Variants in NRG3 observed in about 807,000 individuals in gnomAD.
The protein encoded by NRG3 is pro-neuregulin-3, membrane-bound isoform.
A neutral mutation model predicts 66.9 loss-of-function variants in NRG3; 31 were observed. The observed-to-expected ratio is 0.46, with a 90% CI of 0.35 to 0.63. The LOEUF (loss-of-function observed/expected upper bound fraction) is 0.63, where lower values mean the gene tolerates loss of function less well. NRG3 is among the 20% of genes least tolerant of loss of function. The probability of loss-of-function intolerance (pLI) is 0.00; values close to 1 mark genes in which losing one functional copy is unlikely to be tolerated. For missense variants in NRG3, 910 were observed against 878.9 expected, an observed-to-expected ratio of 1.04 and a Z score of -0.45; for synonymous variants, 393 against 359.4, an observed-to-expected ratio of 1.09 and a Z score of -1.06.
At chr10:82,008,244 G>C (rs1440088414) in intron 1 of NRG3, among the ~76,000 whole-genome samples, 1 of 152,158 alleles carries the variant, frequency 6.6e-6, no homozygotes, top group Non-Finnish European at 1.5e-5. Flanking sequence ...AGGGAATAGT[G>C]CTAATACATA....
chr10:82,064,880 C>T (rs1223223443), intron 1 of NRG3, among the ~76,000 whole-genome samples: 11 of 151,930 alleles, frequency 7.2e-5, no homozygotes, highest in Admixed American at 7.2e-4. Flanking sequence ...AAAACTCCAA[C>T]CAAAGTCCTC....
intron 1 of NRG3, among the ~76,000 whole-genome samples, chr10:82,212,265 C>A (rs886541796): frequency 6.6e-6 from 1 of 152,126 alleles, no homozygotes; most frequent in Admixed American, 6.6e-5. Context: ...TAAACACATG[C>A]ATGTAAATTG....
intron 1 of NRG3, among the ~76,000 whole-genome samples, chr10:82,148,954 G>C (rs10884252): frequency 0.12 from 17,927 of 151,992 alleles, 1,777 homozygotes; most frequent in African/African-American, 0.26. Context: ...CACCACAGGT[G>C]GGGGTGAGAT....
chr10:82,117,661 T>C (rs2067812618), intron 1 of NRG3, among the ~76,000 whole-genome samples: 1 of 152,070 alleles, frequency 6.6e-6, no homozygotes, highest in Admixed American at 6.6e-5. Flanking sequence ...CAGGGTGTGC[T>C]GTGAGGCATT....
At chr10:81,878,005 A>C in intron 1 of NRG3, 1 of 1,537,672 alleles carries the variant, frequency 6.5e-7, no homozygotes, top group Non-Finnish European at 8.7e-7. Flanking sequence ...TTGGGAGAGG[A>C]GGGGGACTAC....
chr10:82,212,192 G>T (rs1211291476), intron 1 of NRG3, among the ~76,000 whole-genome samples: 1 of 152,092 alleles, frequency 6.6e-6, no homozygotes, highest in Non-Finnish European at 1.5e-5. Flanking sequence ...AATTTCACAT[G>T]GTTCAAACTA....
At chr10:82,007,930 T>C (rs1193854405) in intron 1 of NRG3, among the ~76,000 whole-genome samples, 1 of 148,408 alleles carries the variant, frequency 6.7e-6, no homozygotes, top group Non-Finnish European at 1.5e-5. Flanking sequence ...TTCTTTTTCA[T>C]TCTTTTTCTC....
At chr10:82,435,337 T>C (rs1273429028) in intron 2 of NRG3, among the ~76,000 whole-genome samples, 1 of 152,082 alleles carries the variant, frequency 6.6e-6, no homozygotes. Context: ...TTCTCTCTTC[T>C]TCTTCTTTAT....
At chr10:82,301,230 C>A (rs960260774) in intron 1 of NRG3, among the ~76,000 whole-genome samples, 2 of 152,130 alleles carry the variant, frequency 1.3e-5, no homozygotes, top group African/African-American at 4.8e-5. Context: ...ACCAATTTAG[C>A]CCTGGCACTA....
chr10:82,456,033 T>C (rs1267937454), intron 2 of NRG3, among the ~76,000 whole-genome samples: 4 of 152,156 alleles, frequency 2.6e-5, no homozygotes, highest in Admixed American at 6.5e-5. Flanking sequence ...CCTCTTGTAA[T>C]AGCACTTAGT....
intron 2 of NRG3, among the ~76,000 whole-genome samples, chr10:82,619,465 G>A (rs1217109378): frequency 6.6e-6 from 1 of 152,150 alleles, no homozygotes; most frequent in African/African-American, 2.4e-5. Context: ...GTAGCCTCAT[G>A]CAAACCTTTA....
At chr10:82,374,677 G>T (rs983465444) in intron 2 of NRG3, among the ~76,000 whole-genome samples, 13 of 152,270 alleles carry the variant, frequency 8.5e-5, no homozygotes, top group African/African-American at 3.1e-4. Flanking sequence ...CGCAAGTGAT[G>T]ACTGTGCTGT....
At chr10:82,173,356 G>C (rs1454038196) in intron 1 of NRG3, among the ~76,000 whole-genome samples, 1 of 151,834 alleles carries the variant, frequency 6.6e-6, no homozygotes, top group Non-Finnish European at 1.5e-5. Flanking sequence ...CTACTGTCAA[G>C]ACTTAGAAAG....
At chr10:82,743,566 C>G (rs550943885) in intron 3 of NRG3, among the ~76,000 whole-genome samples, 1 of 152,154 alleles carries the variant, frequency 6.6e-6, no homozygotes, top group Non-Finnish European at 1.5e-5. Context: ...ATAAACACAG[C>G]CCCACTTCCA....
intron 1 of NRG3, among the ~76,000 whole-genome samples, chr10:82,000,399 AGTT>A (rs1196067701): frequency 6.6e-6 from 1 of 151,856 alleles, no homozygotes; most frequent in Non-Finnish European, 1.5e-5. Context: ...GTCATTTTGG[AGTT>A]GTGAGCCATG....
At chr10:82,115,367 G>A (rs1259722772) in intron 1 of NRG3, among the ~76,000 whole-genome samples, 1 of 152,120 alleles carries the variant, frequency 6.6e-6, no homozygotes, top group African/African-American at 2.4e-5. Flanking sequence ...ACCAAATTAT[G>A]TAGTCAACTA....
intron 3 of NRG3, among the ~76,000 whole-genome samples, chr10:82,856,873 T>G (rs1009869854): frequency 6.6e-6 from 1 of 151,932 alleles, no homozygotes; most frequent in Non-Finnish European, 1.5e-5. Context: ...CATGTGAATC[T>G]CAAGAGCAGG....
At chr10:82,446,302 T>C (rs1399539609) in intron 2 of NRG3, among the ~76,000 whole-genome samples, 2 of 152,218 alleles carry the variant, frequency 1.3e-5, no homozygotes, top group Non-Finnish European at 2.9e-5. Flanking sequence ...TGTAAAGGAA[T>C]ATAAATCATT....
At chr10:82,116,292 G>T (rs1191227007) in intron 1 of NRG3, among the ~76,000 whole-genome samples, 1 of 152,018 alleles carries the variant, frequency 6.6e-6, no homozygotes. Context: ...GGGAAGGAGG[G>T]CATCTTTAAT....
Sources: gnomAD v4.1 joint callset for allele counts (sites outside exome capture counted in the v4.1 genomes callset) on GRCh38, gnomAD v4.1.1 for gene constraint, MANE v1.5 for transcripts, NCBI Gene and HGNC (gene_info 2026-07-23, HGNC 2026-07-21) for gene names.